BTN3A2: variants seen among roughly 807,000 people sequenced by gnomAD.
The protein encoded by BTN3A2 is butyrophilin protein.
Under a neutral mutation model 37.6 loss-of-function variants are expected in BTN3A2, and 25 were observed. The observed-to-expected ratio is 0.66, with a 90% CI of 0.48 to 0.93. BTN3A2 has a LOEUF of 0.93. Among genes scored for constraint, BTN3A2 ranks in the 40% least tolerant of loss-of-function variants. BTN3A2 has a pLI of 0.00. For synonymous variants in BTN3A2, 122 were observed against 159.4 expected (o/e 0.77, Z 1.77); for missense variants, 266 against 410.9 (o/e 0.65, Z 3.05).
Position 26,377,361 on chromosome 6 carries a change from T to G in BTN3A2, c.*1599T>G. 3.4e-6 allele frequency: 2 copies of G among 596,150 alleles called. No homozygotes were observed. Among genetic ancestry groups the G allele is most frequent in the Non-Finnish European group, 3.0e-6 (1 of 328,622 alleles). The allele number at this position is 596,150 out of a possible 1,614,324, so 36.9% of individuals were successfully genotyped here. A position where few individuals can be genotyped will look rare whatever the true frequency, so the allele number is the denominator to read the frequency against. On this transcript the variant is annotated 3_prime_UTR_variant, in exon 11 of 11. Transcript: ENST00000377708. ...TTGTTTGAGTTTGGTGCCACCTTATTGGCCCCTTTATACAGATAAGGAAAC... is the reference window on the plus strand; with the variant it reads ...TTGTTTGAGTTTGGTGCCACCTTATGGGCCCCTTTATACAGATAAGGAAAC...
In BTN3A2 at chr6:26,365,370, A is replaced by G. The variant is rs1041454781; in HGVS notation, c.-67+18A>G. The G allele has an allele frequency of 9.8e-6, 15 of 1,535,974 alleles. No individual in the cohort carries two copies. Among genetic ancestry groups the G allele is most frequent in the Non-Finnish European group, 1.1e-5 (13 of 1,146,822 alleles). ...ACCAAGGGGTAAGTGCAGGAAATTG[A>G]TTAGAGCCTGGGCTACAACGCATGG... On this transcript the variant is annotated intron_variant, in intron 1 of 10. Transcript: ENST00000377708.
Position 26,372,974 on chromosome 6 carries a change from G to A in BTN3A2, c.793G>A (p.Gly265Arg), listed in dbSNP as rs780178954. Residue 265 changes from glycine to arginine, a missense_variant, in exon 6 of 11, where the codon GGA (glycine) becomes AGA (arginine). Around this residue, in one of 3 missense-constraint regions of BTN3A2, gnomAD observed 204 missense variants for 232.6 expected, o/e 0.88. Transcript: ENST00000377708. ...GCCTATCTTGCTGCTGCTTCTCGCCGGAGCCAGTTACTTCTTGTGGAGACA... is the reference window on the plus strand; with the variant it reads ...GCCTATCTTGCTGCTGCTTCTCGCCAGAGCCAGTTACTTCTTGTGGAGACA... ...TLPILLLLLA[G>R]ASYFLWRQQK... 1.3e-5 allele frequency: 21 copies of A among 1,614,104 alleles called. No individual in the cohort carries two copies. The highest frequency in any genetic ancestry group is 5.5e-5 in the South Asian group (5 of 91,090).
Position 26,377,145 on chromosome 6 carries a change from C to T in BTN3A2, c.*1383C>T. 7.8e-7 allele frequency: 1 copy of T among 1,278,422 alleles called. No individual in the cohort carries two copies. Among genetic ancestry groups the T allele is most frequent in the Non-Finnish European group, 1.1e-6 (1 of 875,174 alleles). 79.2% of individuals were successfully genotyped at this position (1,278,422 alleles called of 1,614,324 possible). A position where few individuals can be genotyped will look rare whatever the true frequency, so the allele number is the denominator to read the frequency against. On this transcript the variant is annotated 3_prime_UTR_variant, in exon 11 of 11. Transcript: ENST00000377708. ...TCCCGACCTAGTGCCTGATCATTCCCTGGAGATACCACTGACCCCAGGCTT... is the reference window on the plus strand; with the variant it reads ...TCCCGACCTAGTGCCTGATCATTCCTTGGAGATACCACTGACCCCAGGCTT...
In BTN3A2 at chr6:26,370,491, A is replaced by C. The variant is rs747545997; in HGVS notation, c.603A>C (p.Leu201=). 3 of 1,614,226 alleles carry C rather than the reference A, an allele frequency of 1.9e-6. No homozygotes were observed. Among genetic ancestry groups the C allele is most frequent in the Non-Finnish European group, 2.5e-6 (3 of 1,180,042 alleles). ...EAPVVADGVG[L]YEVAASVIMR... The stretch of plus-strand genomic sequence containing the variant: ...CTGTGGTTGCAGATGGAGTGGGCCT[A>C]TATGAAGTAGCAGCATCTGTGATCA... Residue 201 remains leucine, a synonymous_variant, in exon 5 of 11, where the codon CTA becomes CTC. Transcript: ENST00000377708.
Position 26,376,232 on chromosome 6 carries a change from A to AGAAAAG in BTN3A2, c.*470_*471insGAAAAG, listed in dbSNP as rs1554126685. 1,185 of 136,520 alleles carry AGAAAAG rather than the reference A, an allele frequency of 8.7e-3. 8 individuals carry two copies. Among genetic ancestry groups the AGAAAAG allele is most frequent in the African/African-American group, 0.025 (798 of 32,174 alleles). The allele number at this position is 136,520 out of a possible 1,614,324, so 8.5% of individuals were successfully genotyped here. A position where few individuals can be genotyped will look rare whatever the true frequency, so the allele number is the denominator to read the frequency against. On this transcript the variant is annotated 3_prime_UTR_variant, in exon 11 of 11. Transcript: ENST00000377708. Reference sequence around the variant, plus strand: ...TGTCTCAAGAAAAAAAAAAAAAAAAAAAAAGAAAAGAAAATTAACCTCTGA... The same window carrying AGAAAAG: ...TGTCTCAAGAAAAAAAAAAAAAAAAAGAAAAGAAAAGAAAAGAAAATTAACCTCTGA...
intron 1 of BTN3A2, among the ~76,000 whole-genome samples, chr6:26,365,901 G>A (rs1762022722): frequency 6.6e-6 from 1 of 152,082 alleles, no homozygotes; most frequent in Non-Finnish European, 1.5e-5. Context: ...ACAATGCATG[G>A]TTCAGTCATA....
At chr6:26,367,061 A>G (rs1054311642) in intron 1 of BTN3A2, among the ~76,000 whole-genome samples, 6 of 152,322 alleles carry the variant, frequency 3.9e-5, no homozygotes, top group South Asian at 2.1e-4. Flanking sequence ...AGGCATTTAC[A>G]TATATAGTTA....
Position 26,374,331 on chromosome 6 carries a change from A to T in BTN3A2, c.969A>T (p.Gly323=). 1 of 1,606,470 alleles carries T rather than the reference A, an allele frequency of 6.2e-7. No individual in the cohort carries two copies. Among genetic ancestry groups the T allele is most frequent in the Non-Finnish European group, 8.5e-7 (1 of 1,176,418 alleles). ...TCTACCTTTCTTTCATTGTAGGTGGAGAGGAGTCTTCGTCCGATACCAATA... is the reference window on the plus strand; with the variant it reads ...TCTACCTTTCTTTCATTGTAGGTGGTGAGGAGTCTTCGTCCGATACCAATA... The part of the protein sequence containing the change: ...KRKKIQYLTR[G]EESSSDTNKS... The change falls in exon 9 of 11, where the codon GGA becomes GGT. Residue 323 remains glycine (G), a synonymous_variant. Coordinates refer to ENST00000377708, the MANE Select transcript of BTN3A2 (RefSeq NM_007047.5).
At chr6:26,368,299 G>T in intron 3 of BTN3A2, 32 bp downstream of exon 3, 1 of 1,608,744 alleles carries the variant, frequency 6.2e-7, no homozygotes, top group South Asian at 1.1e-5. Context: ...CCACATTTAT[G>T]TTTCTGAAGC....
intron 5 of BTN3A2, among the ~76,000 whole-genome samples, chr6:26,370,927 A>G (rs1172261108): frequency 1.3e-5 from 2 of 152,212 alleles, no homozygotes; most frequent in Non-Finnish European, 1.5e-5. Context: ...TATCATAGAG[A>G]AAGAGCTGAT....
At position 26,377,275 on chromosome 6, in the gene BTN3A2, A is replaced by C; in HGVS notation, c.*1513A>C. 1.3e-6 allele frequency: 1 copy of C among 782,784 alleles called. No individual in the cohort carries two copies. Among genetic ancestry groups the C allele is most frequent in the South Asian group, 1.4e-5 (1 of 71,070 alleles). The allele number at this position is 782,784 out of a possible 1,614,324, so 48.5% of individuals were successfully genotyped here. On this transcript the variant is annotated 3_prime_UTR_variant, in exon 11 of 11. Coordinates refer to ENST00000377708, the MANE Select transcript of BTN3A2 (RefSeq NM_007047.5). ...CTCCACAACAGCCAGTCAGAACCAT[A>C]AAGCTACAGGCACACACTGAAGCAC... is the stretch of plus-strand genomic sequence containing the variant.
At chr6:26,373,521 C>T (rs1384032902) in intron 8 of BTN3A2, 108 bp downstream of exon 8, 9 of 1,272,692 alleles carry the variant, frequency 7.1e-6, no homozygotes, top group Non-Finnish European at 9.5e-6. Context: ...GGTCTTGGAT[C>T]CCTTTACCCA....
intron 8 of BTN3A2, 71 bp downstream of exon 8, chr6:26,373,484 A>C (rs924432672): frequency 6.5e-7 from 1 of 1,543,340 alleles, no homozygotes; most frequent in South Asian, 1.3e-5. Context: ...TTTCCAGCCC[A>C]TAAGTCATAG....
intron 9 of BTN3A2, 179 bp from the exon 10 acceptor site, chr6:26,374,592 C>A: frequency 3.4e-6 from 3 of 873,022 alleles, no homozygotes; most frequent in African/African-American, 1.7e-5. Flanking sequence ...ACACAGGGAG[C>A]CAAGCCTGAC....
chr6:26,367,344 G>A (rs533877912), intron 1 of BTN3A2, among the ~76,000 whole-genome samples: 3 of 152,260 alleles, frequency 2.0e-5, no homozygotes, highest in African/African-American at 7.2e-5. Flanking sequence ...GCACCCATGC[G>A]AGTACTTCGC....
Position 26,368,744 on chromosome 6 carries a change from C to T in BTN3A2, c.265C>T (p.Gln89Ter). 1 of 1,613,236 alleles carries T rather than the reference C, an allele frequency of 6.2e-7. No homozygotes were observed. Among genetic ancestry groups the T allele is most frequent in the Non-Finnish European group, 8.5e-7 (1 of 1,179,838 alleles). ...YADGKEVEDR[Q>*]SAPYRGRTSI... ...AGATGGAAAGGAAGTGGAAGACAGG[C>T]AGAGTGCACCGTATCGAGGGAGAAC... The change falls in exon 4 of 11, where the codon CAG (glutamine) becomes TAG (stop). Residue 89 changes from glutamine (Q) to a stop codon, truncating the protein, a stop_gained. Transcript: ENST00000377708. LOFTEE classifies it high-confidence loss of function.
chr6:26,370,120 G>A (rs1250566962), intron 4 of BTN3A2, among the ~76,000 whole-genome samples: 1 of 152,154 alleles, frequency 6.6e-6, no homozygotes, highest in Non-Finnish European at 1.5e-5. Flanking sequence ...ATTGGGGTGG[G>A]TGGGAATAGC....
At chr6:26,375,433 C>T (rs747990850) in intron 10 of BTN3A2, 1 of 519,772 alleles carries the variant, frequency 1.9e-6, no homozygotes, top group Non-Finnish European at 3.5e-6. Flanking sequence ...TGTTAGAGCA[C>T]CACCAGCTGC....
intron 4 of BTN3A2, 78 bp from the exon 5 acceptor site, chr6:26,370,244 A>T (rs1190567806): frequency 2.7e-6 from 4 of 1,499,188 alleles, no homozygotes; most frequent in Non-Finnish European, 3.7e-6. Context: ...ATCAAATCTG[A>T]GCCTGACATT....
Sources: allele counts gnomAD v4.1 joint callset (sites outside exome capture counted in the v4.1 genomes callset), GRCh38; gene constraint gnomAD v4.1.1; regional missense constraint gnomAD v4.1.1; transcripts MANE v1.5; gene names NCBI Gene and HGNC (gene_info 2026-07-23, HGNC 2026-07-21).